The following PI4KA variants were observed in gnomAD, a reference collection of about 807,000 sequenced individuals.
PI4KA encodes the protein phosphatidylinositol 4-kinase alpha.
Under a neutral mutation model 271.4 loss-of-function variants are expected in PI4KA, and 122 were observed. The observed-to-expected ratio is 0.45, with a 90% CI of 0.39 to 0.52. The LOEUF is 0.52. PI4KA is among the 20% of genes least tolerant of loss of function. PI4KA has a pLI of 0.00. For missense variants in PI4KA, 1,969 were observed against 2,769.1 expected, an observed-to-expected ratio of 0.71 and a Z score of 6.48; for synonymous variants, 1,041 against 1,078.8, an observed-to-expected ratio of 0.96 and a Z score of 0.69.
chr22:20,779,047 A>C (rs1933530002), intron 19 of PI4KA: 1 of 825,296 alleles, frequency 1.2e-6, no homozygotes, highest in South Asian at 1.8e-5. Context: ...TTAGTTTTGC[A>C]AACCTTTAAA....
At chr22:20,800,143 G>A (rs956052113) in intron 14 of PI4KA, among the ~76,000 whole-genome samples, 8 of 152,132 alleles carry the variant, frequency 5.3e-5, no homozygotes, top group Non-Finnish European at 1.2e-4. Flanking sequence ...TCATGGTAAG[G>A]AGAAACATTT....
At chr22:20,738,184 A>T (rs903110148) in intron 32 of PI4KA, among the ~76,000 whole-genome samples, 1 of 151,964 alleles carries the variant, frequency 6.6e-6, no homozygotes, top group African/African-American at 2.4e-5. Context: ...CACAGGAGTG[A>T]GCGTGGCTAA....
intron 7 of PI4KA, among the ~76,000 whole-genome samples, chr22:20,814,719 A>G (rs990708669): frequency 2.6e-5 from 4 of 152,028 alleles, no homozygotes; most frequent in Non-Finnish European, 5.9e-5. Context: ...ACTGCACTCC[A>G]GTCTGGGTAA....
At chr22:20,739,651 C>T (rs1409466272) in intron 32 of PI4KA, among the ~76,000 whole-genome samples, 1 of 151,948 alleles carries the variant, frequency 6.6e-6, no homozygotes, top group South Asian at 2.1e-4. Context: ...AATACAAGAA[C>T]AGACCAGATA....
At chr22:20,822,423 G>T (rs117026533) in intron 4 of PI4KA, among the ~76,000 whole-genome samples, 1 of 152,136 alleles carries the variant, frequency 6.6e-6, no homozygotes, top group Non-Finnish European at 1.5e-5. Flanking sequence ...CTCTACTAAC[G>T]TAGTTGGTAT....
intron 23 of PI4KA, among the ~76,000 whole-genome samples, chr22:20,754,856 G>A (rs1043966502): frequency 2.0e-5 from 3 of 152,212 alleles, no homozygotes; most frequent in Non-Finnish European, 4.4e-5. Flanking sequence ...GCTGAGGCAG[G>A]AGAATCGCTT....
intron 23 of PI4KA, among the ~76,000 whole-genome samples, chr22:20,759,954 CT>C (rs1286626628): frequency 9.2e-5 from 14 of 152,276 alleles, no homozygotes; most frequent in Admixed American, 1.3e-4. Flanking sequence ...CCTGCCTCAG[CT>C]TCCCAAAGTG....
rs1291693180 is a variant in PI4KA at position 20,758,238 on chromosome 22, G to A, written c.2791+3066C>T. 3.3e-5 allele frequency among the ~76,000 whole-genome samples: 5 copies of A among 151,706 alleles called. No homozygotes were observed. The East Asian group carries it at 5.8e-4, about 18-fold the overall frequency. ...AAATTAGCCAGGCGTGGTGGTGGGC[G>A]CCTGTAGTCCCAGCTACTTGGGAGG... On this transcript the variant is annotated intron_variant, in intron 23 of 54. Coordinates refer to ENST00000255882, the MANE Select transcript of PI4KA (RefSeq NM_058004.4).
chr22:20,745,685 T>A (rs1210410307), intron 29 of PI4KA, among the ~76,000 whole-genome samples: 2 of 152,196 alleles, frequency 1.3e-5, no homozygotes, highest in Non-Finnish European at 2.9e-5. Context: ...AGGACTGAGT[T>A]AGAGCTTGGC....
intron 17 of PI4KA, among the ~76,000 whole-genome samples, chr22:20,796,874 G>A (rs1223892341): frequency 6.6e-6 from 1 of 152,234 alleles, no homozygotes; most frequent in Non-Finnish European, 1.5e-5. Flanking sequence ...AACCCCGGAT[G>A]TGAAGCTGAC....
Position 20,713,351 on chromosome 22 carries a change from G to C in PI4KA, c.5501C>G (p.Thr1834Arg). Residue 1834 changes from threonine (T) to arginine (R), a missense_variant, in exon 48 of 55, where the codon ACG becomes AGG. By Grantham distance (71) the Thr-to-Arg change is moderately conservative. This residue lies in a region of PI4KA where 388 missense variants were observed against 521.5 expected (regional missense o/e 0.74). Coordinates refer to ENST00000255882, the MANE Select transcript of PI4KA (RefSeq NM_058004.4). ...CRSDSEDECS[T>R]QEADGQKISW... Reference sequence around the variant, plus strand: ...GATCTTCTGGCCGTCGGCCTCCTGCGTGCTGCACTCATCCTCGGAGTCTGA... The same window carrying C: ...GATCTTCTGGCCGTCGGCCTCCTGCCTGCTGCACTCATCCTCGGAGTCTGA... 1 of 1,598,314 alleles carries C rather than the reference G, an allele frequency of 6.3e-7. No individual in the cohort carries two copies. The highest frequency in any genetic ancestry group is 8.5e-7 in the Non-Finnish European group (1 of 1,171,794).
At chr22:20,750,036 T>A in intron 27 of PI4KA, 42 bp from the exon 28 acceptor site, 6 of 1,311,990 alleles carry the variant, frequency 4.6e-6, no homozygotes, top group Non-Finnish European at 6.6e-6. Flanking sequence ...CCGAGGTCAG[T>A]TCATCTGAGC....
At chr22:20,751,252 G>A (rs766505027) in intron 27 of PI4KA, 41 bp downstream of exon 27, 50 of 1,489,284 alleles carry the variant, frequency 3.4e-5, no homozygotes, top group Non-Finnish European at 4.4e-5. Flanking sequence ...GGGAATTGTG[G>A]TAAAGATGGC....
At chr22:20,759,946 T>C (rs1264547318) in intron 23 of PI4KA, among the ~76,000 whole-genome samples, 13 of 152,248 alleles carry the variant, frequency 8.5e-5, no homozygotes, top group Admixed American at 1.3e-4. Context: ...GTGATCTACC[T>C]GCCTCAGCTT....
At chr22:20,720,187 A>T (rs184439376) in intron 43 of PI4KA, among the ~76,000 whole-genome samples, 22 of 152,328 alleles carry the variant, frequency 1.4e-4, no homozygotes, top group African/African-American at 5.1e-4. Flanking sequence ...ATGTTATAAA[A>T]GCTTTTGTGG....
chr22:20,750,795 C>T (rs1021769076), intron 27 of PI4KA, among the ~76,000 whole-genome samples: 1 of 152,212 alleles, frequency 6.6e-6, no homozygotes, highest in Non-Finnish European at 1.5e-5. Context: ...ACAGTGAGGG[C>T]TCTGAGACCG....
At chr22:20,779,681 C>G in intron 19 of PI4KA, 1 of 1,614,196 alleles carries the variant, frequency 6.2e-7, no homozygotes, top group Non-Finnish European at 8.5e-7. Flanking sequence ...AGAGCCGGAT[C>G]CAGCGTCTTA....
At chr22:20,834,453 AG>A in intron 3 of PI4KA, 108 bp downstream of exon 3, 2 of 741,016 alleles carry the variant, frequency 2.7e-6, no homozygotes, top group Non-Finnish European at 4.8e-6. Context: ...CCCAGCCAGG[AG>A]GGAGACAAGA....
chr22:20,748,436 C>T (rs188253819), intron 28 of PI4KA, among the ~76,000 whole-genome samples: 28 of 152,300 alleles, frequency 1.8e-4, no homozygotes, highest in East Asian at 9.6e-4. Flanking sequence ...ACAGCAGGAA[C>T]GAAGAACAAC....
Sources: gnomAD v4.1 joint callset for allele counts (sites outside exome capture counted in the v4.1 genomes callset) on GRCh38, gnomAD v4.1.1 for gene constraint, gnomAD v4.1.1 regional missense constraint, MANE v1.5 for transcripts, NCBI Gene and HGNC (gene_info 2026-07-23, HGNC 2026-07-21) for gene names.